FOXO3: variants seen among roughly 807,000 people sequenced by gnomAD.
FOXO3 encodes the protein forkhead box protein O3.
A neutral mutation model predicts 41.9 loss-of-function variants in FOXO3; 4 were observed. The observed-to-expected ratio is 0.10, with a 90% CI of 0.05 to 0.22. The LOEUF is 0.22. Ranked by LOEUF, FOXO3 falls within the 10% of genes least tolerant of loss-of-function variation. FOXO3 has a pLI of 1.00. For synonymous variants in FOXO3, 318 were observed against 389.3 expected, an observed-to-expected ratio of 0.82 and a Z score of 2.16; for missense variants, 534 against 906.8, an observed-to-expected ratio of 0.59 and a Z score of 5.28.
chr6:108,661,059 C>A (rs1778831184), intron 1 of FOXO3, among the ~76,000 whole-genome samples: 1 of 151,630 alleles, frequency 6.6e-6, no homozygotes. Flanking sequence ...GACTCTATCT[C>A]AAATAAAAAA....
intron 2 of FOXO3, among the ~76,000 whole-genome samples, chr6:108,665,318 G>A (rs1045201073): frequency 1.3e-5 from 2 of 152,158 alleles, no homozygotes; most frequent in African/African-American, 4.8e-5. Flanking sequence ...TCTCTGGTCC[G>A]TCACCGCTTT....
intron 1 of FOXO3, among the ~76,000 whole-genome samples, chr6:108,562,707 G>C (rs1219077022): frequency 6.6e-6 from 1 of 152,192 alleles, no homozygotes; most frequent in African/African-American, 2.4e-5. Flanking sequence ...AAATGAACCC[G>C]AAGAGAGACT....
intron 1 of FOXO3, among the ~76,000 whole-genome samples, chr6:108,637,411 G>T (rs899812150): frequency 7.2e-5 from 11 of 152,072 alleles, no homozygotes; most frequent in Non-Finnish European, 1.6e-4. Context: ...GCTAAGTGTC[G>T]AAATCCAGCC....
intron 1 of FOXO3, among the ~76,000 whole-genome samples, chr6:108,595,269 C>T (rs947296655): frequency 3.9e-5 from 6 of 152,212 alleles, no homozygotes; most frequent in African/African-American, 7.2e-5. Context: ...ATTGAATTTT[C>T]GGAAATACTG....
intron 1 of FOXO3, among the ~76,000 whole-genome samples, chr6:108,629,351 C>T (rs189879395): frequency 4.8e-4 from 73 of 152,182 alleles, no homozygotes; most frequent in African/African-American, 1.8e-3. Context: ...GTGTAATTTT[C>T]GGGTGCCTTC....
At chr6:108,672,712 T>TCTCTCCCTCCCTCTCC (rs1373976772) in intron 2 of FOXO3, among the ~76,000 whole-genome samples, 1 of 152,178 alleles carries the variant, frequency 6.6e-6, no homozygotes, top group South Asian at 2.1e-4. Context: ...ACGTCTCCTC[T>TCTCTCCCTCCCTCTCC]CTCTCCCTCC....
At chr6:108,590,849 T>C (rs755193118) in intron 1 of FOXO3, among the ~76,000 whole-genome samples, 26 of 152,210 alleles carry the variant, frequency 1.7e-4, no homozygotes, top group South Asian at 1.7e-3. Context: ...ATTGTGGCGC[T>C]TTTTTGAGCC....
chr6:108,596,008 CT>C (rs1455110136), intron 1 of FOXO3, among the ~76,000 whole-genome samples: 2 of 152,134 alleles, frequency 1.3e-5, no homozygotes, highest in Non-Finnish European at 1.5e-5. Context: ...CTGCTTCCTT[CT>C]TGTCCGTTTT....
chr6:108,682,157 A>G lies in FOXO3; in HGVS notation c.*2365A>G, dbSNP rs982141478. 1.3e-5 allele frequency: 2 copies of G among 152,450 alleles called. No homozygotes were observed. The highest frequency in any genetic ancestry group is 4.8e-5 in the African/African-American group (2 of 41,360). 9.4% of individuals were successfully genotyped at this position (152,450 alleles called of 1,614,324 possible). The stretch of plus-strand genomic sequence containing the variant: ...AGCTGCTTTGGGAGTGAGAAAGGCA[A>G]CCCTCCAATGTGTTTCAACTTTAAA... On this transcript the variant is annotated 3_prime_UTR_variant, in exon 3 of 3. Transcript: ENST00000406360.
intron 1 of FOXO3, among the ~76,000 whole-genome samples, chr6:108,571,400 C>G (rs1182526308): frequency 1.3e-5 from 2 of 152,036 alleles, no homozygotes; most frequent in African/African-American, 4.8e-5. Context: ...AAATAGAGTT[C>G]CTCTAAAATT....
At chr6:108,598,525 G>T (rs1426200602) in intron 1 of FOXO3, among the ~76,000 whole-genome samples, 1 of 152,164 alleles carries the variant, frequency 6.6e-6, no homozygotes, top group African/African-American at 2.4e-5. Flanking sequence ...CTGGGCCCTG[G>T]TGGGAAATGG....
chr6:108,587,239 C>T (rs1314236104), intron 1 of FOXO3, among the ~76,000 whole-genome samples: 1 of 152,062 alleles, frequency 6.6e-6, no homozygotes, highest in Non-Finnish European at 1.5e-5. Context: ...AATATAAACC[C>T]AGCCTGCTCA....
chr6:108,570,405 C>T (rs999333398), intron 1 of FOXO3, among the ~76,000 whole-genome samples: 1 of 152,104 alleles, frequency 6.6e-6, no homozygotes, highest in African/African-American at 2.4e-5. Flanking sequence ...CTTCAAACTC[C>T]TGGCTCTCTC....
intron 1 of FOXO3, among the ~76,000 whole-genome samples, chr6:108,564,493 G>A (rs1436467114): frequency 3.3e-5 from 5 of 152,200 alleles, no homozygotes; most frequent in African/African-American, 9.6e-5. Context: ...AAAATGTCTA[G>A]AATTCAGGTT....
chr6:108,602,334 G>A (rs1421225050), intron 1 of FOXO3, among the ~76,000 whole-genome samples: 1 of 152,000 alleles, frequency 6.6e-6, no homozygotes, highest in South Asian at 2.1e-4. Context: ...CCAACACAGA[G>A]CATTATTACT....
intron 1 of FOXO3, among the ~76,000 whole-genome samples, chr6:108,595,907 G>C (rs1477202676): frequency 6.6e-6 from 1 of 152,122 alleles, no homozygotes; most frequent in African/African-American, 2.4e-5. Context: ...TTACATTAAT[G>C]GGCCAAGTAT....
intron 1 of FOXO3, among the ~76,000 whole-genome samples, chr6:108,637,706 C>T (rs561426185): frequency 6.6e-6 from 1 of 152,116 alleles, no homozygotes; most frequent in Non-Finnish European, 1.5e-5. Context: ...ATCCTCTCCT[C>T]ATGGCCTGGC....
intron 2 of FOXO3, among the ~76,000 whole-genome samples, chr6:108,666,305 C>CAG (rs1582832245): frequency 1.3e-5 from 2 of 152,064 alleles, no homozygotes; most frequent in East Asian, 3.9e-4. Flanking sequence ...CCCAAGGTTA[C>CAG]AGAGCTAGGT....
At chr6:108,564,511 C>T (rs1035316353) in intron 1 of FOXO3, among the ~76,000 whole-genome samples, 1 of 152,204 alleles carries the variant, frequency 6.6e-6, no homozygotes, top group African/African-American at 2.4e-5. Context: ...GTTAACGTCT[C>T]CTAGTCATGT....
Sources: allele counts gnomAD v4.1 joint callset (sites outside exome capture counted in the v4.1 genomes callset), GRCh38; gene constraint gnomAD v4.1.1; transcripts MANE v1.5; gene names NCBI Gene and HGNC (gene_info 2026-07-23, HGNC 2026-07-21).